The following COPG2 variants were observed in gnomAD, a reference collection of about 807,000 sequenced individuals.
COPG2 encodes coatomer subunit gamma-2.
COPG2 carries 37 observed loss-of-function variants against 46.3 expected under a neutral mutation model. The ratio of observed to expected loss-of-function variants is 0.80; its 90% confidence interval spans 0.61 to 1.05. COPG2 has a LOEUF of 1.05. Ranked by LOEUF, COPG2 falls within the 50% of genes least tolerant of loss-of-function variation. The pLI is 0.00. For missense variants in COPG2, 427 were observed against 387.8 expected (o/e 1.10, Z -0.85); for synonymous variants, 159 against 129.7 (o/e 1.23, Z -1.53).
At chr7:130,532,889 G>C (rs1799842789) in intron 20 of COPG2, among the ~76,000 whole-genome samples, 1 of 152,160 alleles carries the variant, frequency 6.6e-6, no homozygotes, top group Non-Finnish European at 1.5e-5. Flanking sequence ...CTGAGAACAT[G>C]AATTAGGCCA....
intron 9 of COPG2, among the ~76,000 whole-genome samples, chr7:130,584,878 T>C (rs2116447243): frequency 6.6e-6 from 1 of 152,028 alleles, no homozygotes; most frequent in South Asian, 2.1e-4. Context: ...AAAATGACCA[T>C]ACTGCCAAAA....
chr7:130,648,448 T>A (rs1157960344), intron 5 of COPG2, among the ~76,000 whole-genome samples: 5 of 152,108 alleles, frequency 3.3e-5, no homozygotes, highest in African/African-American at 1.2e-4. Flanking sequence ...CTCATCTAAA[T>A]CTCATGGACT....
intron 5 of COPG2, among the ~76,000 whole-genome samples, chr7:130,636,345 C>T (rs1795336676): frequency 6.6e-6 from 1 of 152,118 alleles, no homozygotes; most frequent in South Asian, 2.1e-4. Flanking sequence ...GTCTAGGTCT[C>T]TTTGTAGGTC....
intron 4 of COPG2, among the ~76,000 whole-genome samples, chr7:130,656,848 T>C (rs1200170409): frequency 6.6e-6 from 1 of 151,868 alleles, no homozygotes; most frequent in African/African-American, 2.4e-5. Flanking sequence ...GAAAACTCAA[T>C]AGTGCTATAA....
chr7:130,594,262 G>A (rs1794483763), intron 9 of COPG2, among the ~76,000 whole-genome samples: 3 of 152,184 alleles, frequency 2.0e-5, no homozygotes, highest in Admixed American at 2.0e-4. Flanking sequence ...ATTCAATGGA[G>A]AACAAATCGT....
intron 5 of COPG2, among the ~76,000 whole-genome samples, chr7:130,651,535 A>T: frequency 9.9e-6 from 1 of 101,396 alleles, no homozygotes; most frequent in South Asian, 3.5e-4. Flanking sequence ...TTTGAGACGG[A>T]GTCTCGCTCT....
intron 9 of COPG2, among the ~76,000 whole-genome samples, chr7:130,592,715 T>G (rs2116465941): frequency 6.6e-6 from 1 of 152,302 alleles, no homozygotes; most frequent in South Asian, 2.1e-4. Flanking sequence ...TGACAAAGAT[T>G]CCTGCTACTG....
intron 20 of COPG2, among the ~76,000 whole-genome samples, chr7:130,546,261 G>C (rs903319962): frequency 9.7e-4 from 147 of 152,230 alleles, no homozygotes; most frequent in African/African-American, 3.2e-3. Context: ...TTAAGATTGG[G>C]CCCAAATACT....
At chr7:130,624,643 C>A (rs1466337445) in intron 5 of COPG2, among the ~76,000 whole-genome samples, 2 of 152,172 alleles carry the variant, frequency 1.3e-5, no homozygotes, top group Non-Finnish European at 2.9e-5. Context: ...TAGCTTAGCT[C>A]CCACCTGTAA....
intron 9 of COPG2, among the ~76,000 whole-genome samples, chr7:130,605,463 G>C (rs886519578): frequency 5.9e-5 from 9 of 152,252 alleles, no homozygotes; most frequent in Non-Finnish European, 8.8e-5. Context: ...TGTGCTGAAA[G>C]AGGAGGCAGA....
chr7:130,576,137 C>T (rs1554446195), intron 9 of COPG2, among the ~76,000 whole-genome samples: 1 of 152,054 alleles, frequency 6.6e-6, no homozygotes, highest in Admixed American at 6.6e-5. Flanking sequence ...CTTCAATACT[C>T]CACTGACAGC....
intron 9 of COPG2, among the ~76,000 whole-genome samples, chr7:130,589,155 T>C (rs925712914): frequency 1.3e-5 from 2 of 152,210 alleles, no homozygotes; most frequent in Non-Finnish European, 2.9e-5. Flanking sequence ...TCTCAATATT[T>C]TGATATTACA....
intron 12 of COPG2, among the ~76,000 whole-genome samples, chr7:130,558,262 C>G (rs1434908239): frequency 6.6e-6 from 1 of 151,950 alleles, no homozygotes; most frequent in African/African-American, 2.4e-5. Context: ...GGCGGATTTC[C>G]CTGCTGGTGC....
intron 20 of COPG2, among the ~76,000 whole-genome samples, chr7:130,545,497 G>A (rs11538696): frequency 0.36 from 54,147 of 151,976 alleles, 11,274 homozygotes; most frequent in African/African-American, 0.57. Context: ...AGGAATGGGT[G>A]AAAGATACCT....
chr7:130,616,801 T>C (rs941495896), intron 6 of COPG2, among the ~76,000 whole-genome samples, 189 bp downstream of exon 6: 7 of 152,080 alleles, frequency 4.6e-5, no homozygotes, highest in Non-Finnish European at 1.0e-4. Context: ...GAAAATGGAC[T>C]AACATAAATA....
intron 20 of COPG2, among the ~76,000 whole-genome samples, chr7:130,544,185 G>T (rs1793391443): frequency 6.6e-6 from 1 of 152,162 alleles, no homozygotes; most frequent in African/African-American, 2.4e-5. Flanking sequence ...ATGGATCCCA[G>T]TGGGTGAGTG....
At chr7:130,658,426 T>A (rs1251479312) in intron 4 of COPG2, among the ~76,000 whole-genome samples, 1 of 152,158 alleles carries the variant, frequency 6.6e-6, no homozygotes, top group Non-Finnish European at 1.5e-5. Flanking sequence ...GGGAACTTTT[T>A]GAGGAGATGG....
chr7:130,536,231 T>G (rs1799877954), intron 20 of COPG2, among the ~76,000 whole-genome samples: 1 of 151,908 alleles, frequency 6.6e-6, no homozygotes, highest in Non-Finnish European at 1.5e-5. Context: ...GTGCCAGGAC[T>G]GTTGGGCAGG....
At chr7:130,547,957 G>A in intron 19 of COPG2, 112 bp from the exon 20 acceptor site, 1 of 397,596 alleles carries the variant, frequency 2.5e-6, no homozygotes, top group Non-Finnish European at 4.4e-6. Context: ...ACAGAGCAGG[G>A]TAGGTCTCCT....
Sources: gnomAD v4.1 joint callset for allele counts (sites outside exome capture counted in the v4.1 genomes callset) on GRCh38, gnomAD v4.1.1 for gene constraint, MANE v1.5 for transcripts, NCBI Gene and HGNC (gene_info 2026-07-23, HGNC 2026-07-21) for gene names.